STK3: variants seen among roughly 807,000 people sequenced by gnomAD.
STK3 encodes serine/threonine kinase 3.
STK3 carries 41 observed loss-of-function variants against 58.0 expected under a neutral mutation model. The observed-to-expected ratio is 0.71, with a 90% CI of 0.55 to 0.92. STK3 has a LOEUF of 0.92. Ranked by LOEUF, STK3 falls within the 40% of genes least tolerant of loss-of-function variation. The pLI, the probability that STK3 is intolerant of heterozygous loss-of-function variation, is 0.00. For missense variants in STK3, 479 were observed against 602.7 expected, an observed-to-expected ratio of 0.79 and a Z score of 2.15; for synonymous variants, 170 against 191.0, an observed-to-expected ratio of 0.89 and a Z score of 0.91.
At chr8:98,351,443 C>A in the STK3 span, among the ~76,000 whole-genome samples, 1 of 152,092 alleles carries the variant, frequency 6.6e-6, no homozygotes, top group East Asian at 1.9e-4. Context: ...TATTCTGAGT[C>A]TGCTGTGTAT....
chr8:98,934,903 C>T (rs1345527139), intron 1 of STK3, among the ~76,000 whole-genome samples: 8 of 130,420 alleles, frequency 6.1e-5, no homozygotes, highest in Non-Finnish European at 1.2e-4. Flanking sequence ...GGCAACAGAG[C>T]GAGACGCCGT....
chr8:98,799,724 T>C (rs562547976), intron 1 of STK3, among the ~76,000 whole-genome samples: 14 of 152,096 alleles, frequency 9.2e-5, no homozygotes, highest in Non-Finnish European at 2.1e-4. Flanking sequence ...CCCTACTTAA[T>C]AGGGTTAGGA....
intron 1 of STK3, among the ~76,000 whole-genome samples, chr8:98,795,888 G>A (rs1833140074): frequency 6.6e-6 from 1 of 151,992 alleles, no homozygotes; most frequent in Middle Eastern, 3.4e-3. Context: ...TCTAACCAAG[G>A]GGATGAAGGA....
chr8:98,345,233 C>T, the STK3 span, among the ~76,000 whole-genome samples: 4 of 151,954 alleles, frequency 2.6e-5, no homozygotes, highest in African/African-American at 9.7e-5. Context: ...ACTGCAGGTC[C>T]TCTTGACTTT....
intron 3 of STK3, among the ~76,000 whole-genome samples, chr8:98,756,074 C>T (rs1830270669): frequency 6.6e-6 from 1 of 151,426 alleles, no homozygotes; most frequent in Non-Finnish European, 1.5e-5. Context: ...ACCCGGGAGG[C>T]AGAGGTTGCA....
At chr8:98,729,298 C>T (rs914851963) in intron 4 of STK3, among the ~76,000 whole-genome samples, 2 of 151,940 alleles carry the variant, frequency 1.3e-5, no homozygotes, top group African/African-American at 2.4e-5. Context: ...TTAGTAGAGA[C>T]GGGGTTTCTC....
At chr8:98,589,755 G>C (rs113327498) in intron 7 of STK3, among the ~76,000 whole-genome samples, 1 of 152,198 alleles carries the variant, frequency 6.6e-6, no homozygotes, top group Admixed American at 6.5e-5. Context: ...GCGAGACTCC[G>C]TGGGCATAGG....
intron 2 of STK3, among the ~76,000 whole-genome samples, chr8:98,371,988 G>C (rs1817614754): frequency 6.6e-6 from 1 of 152,026 alleles, no homozygotes; most frequent in Non-Finnish European, 1.5e-5. Flanking sequence ...TCAGGGGGAG[G>C]GGGGTCCTTA....
chr8:98,807,144 C>G (rs944264662), intron 1 of STK3, among the ~76,000 whole-genome samples: 6 of 138,640 alleles, frequency 4.3e-5, no homozygotes, highest in African/African-American at 1.7e-4. Flanking sequence ...ACAAGCGAGA[C>G]TCCGTCTCAA....
chr8:98,811,222 G>A (rs1201092955), intron 1 of STK3, among the ~76,000 whole-genome samples: 1 of 152,162 alleles, frequency 6.6e-6, no homozygotes, highest in African/African-American at 2.4e-5. Flanking sequence ...CCACCCCTGA[G>A]AACAGAGATT....
At chr8:98,344,226 A>T in the STK3 span, among the ~76,000 whole-genome samples, 1 of 152,356 alleles carries the variant, frequency 6.6e-6, no homozygotes, top group Admixed American at 6.5e-5. Context: ...TCATCTGACA[A>T]GTCCTTAGGA....
chr8:98,602,772 A>G (rs1816459647), intron 6 of STK3, among the ~76,000 whole-genome samples: 1 of 152,168 alleles, frequency 6.6e-6, no homozygotes, highest in South Asian at 2.1e-4. Context: ...AGAAAATAAG[A>G]GACAGCAATA....
chr8:98,713,076 T>C (rs529134194), intron 4 of STK3, among the ~76,000 whole-genome samples: 6 of 152,274 alleles, frequency 3.9e-5, no homozygotes, highest in Admixed American at 3.3e-4. Flanking sequence ...AAGATGTTCT[T>C]TGAAACCAAC....
intron 10 of STK3, among the ~76,000 whole-genome samples, chr8:98,506,576 T>A (rs1824099576): frequency 6.6e-6 from 1 of 152,250 alleles, no homozygotes; most frequent in East Asian, 1.9e-4. Context: ...CCAGGTGAAG[T>A]GGCAGATGCC....
intron 3 of STK3, among the ~76,000 whole-genome samples, chr8:98,837,879 C>A (rs747655265): frequency 4.6e-5 from 7 of 152,022 alleles, no homozygotes; most frequent in Non-Finnish European, 1.0e-4. Context: ...CTGCAGTGAG[C>A]TATGATTGCA....
downstream of STK3, among the ~76,000 whole-genome samples, chr8:98,450,084 C>T (rs1056370584): frequency 6.6e-6 from 1 of 152,168 alleles, no homozygotes; most frequent in African/African-American, 2.4e-5. Flanking sequence ...TATAGCAACA[C>T]AAAATGGACT....
rs1299064226 is a variant in STK3 at position 98,800,480 on chromosome 8, T to C, written c.26+25035A>G. 6.6e-6 allele frequency among the ~76,000 whole-genome samples: 1 copy of C among 152,188 alleles called. No homozygotes were observed. Among genetic ancestry groups the C allele is most frequent in the African/African-American group, 2.4e-5 (1 of 41,462 alleles). ...GCACCTCCTCGGCCTCGGTGTCCAC[T>C]CTGGCCACGCTTGAGGAGCCCTTCA... On this transcript the variant is annotated intron_variant, in intron 1 of 10. Transcript: ENST00000419617. The surrounding 1 kb of genome is among the most constrained non-coding windows in gnomAD (Gnocchi z 4.8).
intron 10 of STK3, among the ~76,000 whole-genome samples, chr8:98,505,147 C>T (rs1823951628): frequency 6.6e-6 from 1 of 152,142 alleles, no homozygotes; most frequent in Admixed American, 6.5e-5. Context: ...ATTTGATCTT[C>T]AGTCACTGAT....
At chr8:98,850,817 G>T (rs1305689376) in intron 3 of STK3, among the ~76,000 whole-genome samples, 1 of 152,122 alleles carries the variant, frequency 6.6e-6, no homozygotes, top group Non-Finnish European at 1.5e-5. Context: ...CAGTGGAAGG[G>T]TTTAAACAGG....
Sources: allele counts gnomAD v4.1 joint callset (sites outside exome capture counted in the v4.1 genomes callset), GRCh38; gene constraint gnomAD v4.1.1; non-coding constraint Gnocchi (gnomAD v3.1); transcripts MANE v1.5; gene names NCBI Gene and HGNC (gene_info 2026-07-23, HGNC 2026-07-21).